Variants in MACROD2 observed in about 807,000 individuals in gnomAD.
The protein encoded by MACROD2 is ADP-ribose glycohydrolase MACROD2.
Under a neutral mutation model 70.4 loss-of-function variants are expected in MACROD2, and 36 were observed. That is an observed-to-expected ratio of 0.51 (90% confidence interval 0.39 to 0.68). The LOEUF is 0.68. Ranked by LOEUF, MACROD2 falls within the 30% of genes least tolerant of loss-of-function variation. The probability of loss-of-function intolerance (pLI) is 0.00; values close to 1 mark genes in which losing one functional copy is unlikely to be tolerated. For synonymous variants in MACROD2, 172 were observed against 178.8 expected, an observed-to-expected ratio of 0.96 and a Z score of 0.30; for missense variants, 496 against 538.4, an observed-to-expected ratio of 0.92 and a Z score of 0.78.
chr20:15,205,043 G>A (rs892400379), intron 5 of MACROD2, among the ~76,000 whole-genome samples: 2 of 152,070 alleles, frequency 1.3e-5, no homozygotes, highest in African/African-American at 4.8e-5. Flanking sequence ...AATAATAATA[G>A]ACACAAATGG....
chr20:15,258,633 T>A (rs981912766), intron 6 of MACROD2, among the ~76,000 whole-genome samples: 1 of 152,036 alleles, frequency 6.6e-6, no homozygotes, highest in Admixed American at 6.6e-5. Context: ...CACACGATGG[T>A]GAAATCACCT....
intron 11 of MACROD2, among the ~76,000 whole-genome samples, chr20:15,934,391 G>C (rs2065625840): frequency 6.6e-6 from 1 of 152,176 alleles, no homozygotes. Flanking sequence ...AAGGCAGCAA[G>C]GACTTTGTGT....
At chr20:14,798,468 G>A (rs1045829494) in intron 5 of MACROD2, among the ~76,000 whole-genome samples, 2 of 152,010 alleles carry the variant, frequency 1.3e-5, no homozygotes, top group Non-Finnish European at 2.9e-5. Context: ...TTCATCATGT[G>A]TGTAACATGG....
chr20:15,877,625 T>A (rs1010545952), intron 9 of MACROD2, among the ~76,000 whole-genome samples: 42 of 152,286 alleles, frequency 2.8e-4, no homozygotes, highest in Middle Eastern at 3.4e-3. Flanking sequence ...AGTTTCTGCT[T>A]TGTCAAGTCC....
chr20:15,277,273 G>A (rs1410481519), intron 6 of MACROD2, among the ~76,000 whole-genome samples: 2 of 152,146 alleles, frequency 1.3e-5, no homozygotes, highest in Non-Finnish European at 2.9e-5. Context: ...TTTCCCCAAG[G>A]TCCTCAGCAG....
chr20:14,916,476 T>A (rs2074093351), intron 5 of MACROD2, among the ~76,000 whole-genome samples: 2 of 152,216 alleles, frequency 1.3e-5, no homozygotes, highest in African/African-American at 2.4e-5. Context: ...CATCTGGCCC[T>A]CTGCTTACTT....
chr20:14,794,364 A>G (rs1443294374), intron 5 of MACROD2, among the ~76,000 whole-genome samples: 2 of 152,168 alleles, frequency 1.3e-5, no homozygotes, highest in Admixed American at 1.3e-4. Flanking sequence ...CTTAAAAGAC[A>G]AATCTTCATG....
At chr20:15,793,014 G>A (rs1030897945) in intron 8 of MACROD2, among the ~76,000 whole-genome samples, 6 of 152,014 alleles carry the variant, frequency 3.9e-5, no homozygotes, top group South Asian at 2.1e-4. Context: ...AACATGAAGC[G>A]TATCTCTAAG....
intron 5 of MACROD2, among the ~76,000 whole-genome samples, chr20:15,050,203 C>G (rs2075428078): frequency 6.6e-6 from 1 of 152,064 alleles, no homozygotes; most frequent in Non-Finnish European, 1.5e-5. Context: ...TGCCATTTAC[C>G]ACCTCTTTCC....
intron 10 of MACROD2, among the ~76,000 whole-genome samples, chr20:15,919,089 T>C (rs1189417601): frequency 1.3e-5 from 2 of 152,224 alleles, no homozygotes; most frequent in African/African-American, 2.4e-5. Flanking sequence ...TTACCAAACA[T>C]ATTTCTGTGG....
intron 5 of MACROD2, among the ~76,000 whole-genome samples, chr20:15,150,287 G>A (rs942405829): frequency 6.6e-6 from 1 of 151,906 alleles, no homozygotes; most frequent in African/African-American, 2.4e-5. Flanking sequence ...AGGGGTGTAG[G>A]GGAATAGTGA....
intron 3 of MACROD2, chr20:14,329,467 CTT>C: frequency 6.6e-6 from 1 of 152,144 alleles, no homozygotes; most frequent in East Asian, 1.9e-4. Flanking sequence ...AGGTTGACCT[CTT>C]TGTTTTTAGA....
intron 3 of MACROD2, among the ~76,000 whole-genome samples, chr20:14,465,268 T>C (rs1020517625): frequency 6.6e-6 from 1 of 152,126 alleles, no homozygotes; most frequent in East Asian, 1.9e-4. Flanking sequence ...CTTGTTGAAT[T>C]GATCCCTTTA....
chr20:14,858,032 G>T (rs1319907560), intron 5 of MACROD2, among the ~76,000 whole-genome samples: 1 of 152,084 alleles, frequency 6.6e-6, no homozygotes. Flanking sequence ...TGTTGGCCAG[G>T]CTGGTCTCAT....
chr20:15,673,027 C>T (rs531145471), intron 8 of MACROD2, among the ~76,000 whole-genome samples: 43 of 152,232 alleles, frequency 2.8e-4, no homozygotes, highest in Non-Finnish European at 4.9e-4. Context: ...TGAGGCCTCC[C>T]CAGCCACGTG....
At chr20:14,118,400 AT>A (rs1364440838) in intron 3 of MACROD2, among the ~76,000 whole-genome samples, 1 of 152,202 alleles carries the variant, frequency 6.6e-6, no homozygotes, top group African/African-American at 2.4e-5. Context: ...TTGCATAATA[AT>A]TTATAAACTT....
At chr20:14,394,346 CT>C (rs2083559674) in intron 3 of MACROD2, among the ~76,000 whole-genome samples, 1 of 151,984 alleles carries the variant, frequency 6.6e-6, no homozygotes. Flanking sequence ...AGATTTATAC[CT>C]AAATATTACA....
intron 8 of MACROD2, among the ~76,000 whole-genome samples, chr20:15,823,316 G>GTGTGTGTGTGTGTGTGTA (rs139668215): frequency 1.4e-5 from 2 of 148,028 alleles, no homozygotes; most frequent in Admixed American, 1.3e-4. Context: ...GTGTGTGTGT[G>GTGTGTGTGTGTGTGTGTA]TGTGTCTATA....
chr20:15,066,165 T>C (rs2075573464), intron 5 of MACROD2, among the ~76,000 whole-genome samples: 1 of 151,674 alleles, frequency 6.6e-6, no homozygotes. Context: ...GGAGTCTCGC[T>C]CTGTCACCCA....
Sources: allele counts gnomAD v4.1 joint callset (sites outside exome capture counted in the v4.1 genomes callset), GRCh38; gene constraint gnomAD v4.1.1; transcripts MANE v1.5; gene names NCBI Gene and HGNC (gene_info 2026-07-23, HGNC 2026-07-21).